Variants in VWA3B observed in about 807,000 individuals in gnomAD.
The protein encoded by VWA3B is von Willebrand factor A domain containing 3B.
VWA3B carries 138 observed loss-of-function variants against 158.3 expected under a neutral mutation model. The observed-to-expected ratio is 0.87, with a 90% CI of 0.76 to 1.00. The LOEUF is 1.00. VWA3B is among the 50% of genes least tolerant of loss of function. The pLI is 0.00. For missense variants in VWA3B, 1,555 were observed against 1,565.1 expected (o/e 0.99, Z 0.11); for synonymous variants, 596 against 587.3 (o/e 1.01, Z -0.21).
intron 10 of VWA3B, chr2:98,192,358 T>C (rs373823161): frequency 3.7e-4 from 58 of 157,530 alleles, no homozygotes; most frequent in Admixed American, 1.6e-3. Context: ...GGGCGTTTTA[T>C]AGGATTTGGG....
At chr2:98,280,409 T>C (rs1688804361) in intron 22 of VWA3B, among the ~76,000 whole-genome samples, 1 of 152,236 alleles carries the variant, frequency 6.6e-6, no homozygotes, top group Admixed American at 6.5e-5. Context: ...GAGGTAGCTA[T>C]TTGTTAATGT....
chr2:98,223,156 G>A (rs1684645748), intron 14 of VWA3B, among the ~76,000 whole-genome samples: 1 of 152,056 alleles, frequency 6.6e-6, no homozygotes, highest in Non-Finnish European at 1.5e-5. Context: ...ATTCCAAGTG[G>A]AACTTTGAGA....
intron 10 of VWA3B, among the ~76,000 whole-genome samples, chr2:98,188,701 C>T (rs1316146499): frequency 6.6e-6 from 1 of 152,162 alleles, no homozygotes; most frequent in Non-Finnish European, 1.5e-5. Flanking sequence ...TAGTAGTACT[C>T]CATGGTGTAT....
At chr2:98,239,935 G>A (rs1280818317) in intron 19 of VWA3B, among the ~76,000 whole-genome samples, 1 of 151,390 alleles carries the variant, frequency 6.6e-6, no homozygotes, top group African/African-American at 2.4e-5. Flanking sequence ...GAAAGAAAGT[G>A]AAACAGACCT....
At chr2:98,117,138 G>T (rs1468274261) in intron 3 of VWA3B, among the ~76,000 whole-genome samples, 1 of 152,182 alleles carries the variant, frequency 6.6e-6, no homozygotes, top group Non-Finnish European at 1.5e-5. Flanking sequence ...AAGAACCACT[G>T]CTGAGGAGCT....
intron 12 of VWA3B, among the ~76,000 whole-genome samples, chr2:98,196,470 G>T (rs1682049918): frequency 6.6e-6 from 1 of 152,194 alleles, no homozygotes; most frequent in East Asian, 1.9e-4. Context: ...ATTTGGTCCA[G>T]TAGTCAACCC....
chr2:98,100,345 A>C (rs773295426), intron 2 of VWA3B, among the ~76,000 whole-genome samples: 2 of 152,220 alleles, frequency 1.3e-5, no homozygotes, highest in African/African-American at 4.8e-5. Context: ...TGACTGGCAC[A>C]GTGCTGGGTT....
At chr2:98,267,453 A>G (rs553368816) in intron 21 of VWA3B, among the ~76,000 whole-genome samples, 9 of 152,246 alleles carry the variant, frequency 5.9e-5, no homozygotes, top group Admixed American at 2.0e-4. Context: ...GGTACATAAC[A>G]AAATGAAGGC....
intron 16 of VWA3B, among the ~76,000 whole-genome samples, chr2:98,231,481 G>C (rs973993940): frequency 3.9e-5 from 6 of 152,074 alleles, no homozygotes; most frequent in Non-Finnish European, 5.9e-5. Flanking sequence ...ATTTGACAAA[G>C]GTGCAAAATT....
chr2:98,326,862 G>A, the VWA3B span, among the ~76,000 whole-genome samples: 3 of 152,124 alleles, frequency 2.0e-5, no homozygotes, highest in Non-Finnish European at 2.9e-5. Context: ...AATGCAGACA[G>A]CCTCTAGAAG....
At position 98,310,450 on chromosome 2, in the gene VWA3B, T is replaced by C. The variant is rs527530335; in HGVS notation, c.3522-1369T>C. Among the ~76,000 whole-genome samples the C allele has an allele frequency of 1.1e-4, 16 of 152,318 alleles. No individual in the cohort carries two copies. In the East Asian group the frequency reaches 2.7e-3, roughly 26 times the overall value. ...TGCTTTTAATGCCTGAAAATCTCTC[T>C]ACTTCTCACATCCGCTTCTTGTCGC... On this transcript the variant is annotated intron_variant, in intron 26 of 27. Transcript: ENST00000477737.
At chr2:98,135,330 T>C (rs1344377732) in intron 7 of VWA3B, among the ~76,000 whole-genome samples, 1 of 116,336 alleles carries the variant, frequency 8.6e-6, no homozygotes, top group African/African-American at 3.8e-5. Context: ...TTTTTCTTTT[T>C]TTTTTTTTTT....
intron 8 of VWA3B, among the ~76,000 whole-genome samples, chr2:98,179,864 T>C (rs1680383421): frequency 7.2e-6 from 1 of 139,506 alleles, no homozygotes; most frequent in Non-Finnish European, 1.5e-5. Context: ...CTTTCTTTCT[T>C]CTCTCTCCTT....
At chr2:98,308,282 G>A (rs751841480) in intron 26 of VWA3B, among the ~76,000 whole-genome samples, 2 of 152,086 alleles carry the variant, frequency 1.3e-5, no homozygotes, top group Non-Finnish European at 1.5e-5. Context: ...TCTGACACAC[G>A]GCTGAGAGGC....
chr2:98,179,339 A>G (rs1680274041), intron 8 of VWA3B: 1 of 471,016 alleles, frequency 2.1e-6, no homozygotes, highest in African/African-American at 2.0e-5. Context: ...CAGTCTTCTC[A>G]GTGTAGATTA....
At chr2:98,317,332 C>CA (rs1553443839), downstream of VWA3B, among the ~76,000 whole-genome samples, 1 of 99,362 alleles carries the variant, frequency 1.0e-5, no homozygotes, top group Non-Finnish European at 2.3e-5. Flanking sequence ...AAATTCTAAA[C>CA]CCCCCCCAGC....
At chr2:98,302,815 A>G (rs1243331807) in intron 25 of VWA3B, among the ~76,000 whole-genome samples, 1 of 152,180 alleles carries the variant, frequency 6.6e-6, no homozygotes, top group East Asian at 1.9e-4. Context: ...CTGTGGCATG[A>G]GGTAGTTCCA....
chr2:98,207,572 G>A, intron 12 of VWA3B: 1 of 519,324 alleles, frequency 1.9e-6, no homozygotes, highest in Admixed American at 2.0e-5. Context: ...GTCATCACAG[G>A]TCATATGGGG....
At chr2:98,254,486 T>C (rs538966861) in intron 20 of VWA3B, among the ~76,000 whole-genome samples, 2 of 152,336 alleles carry the variant, frequency 1.3e-5, no homozygotes, top group South Asian at 2.1e-4. Context: ...TTAATCATTA[T>C]TACCTGAATC....
Sources: allele counts gnomAD v4.1 joint callset (sites outside exome capture counted in the v4.1 genomes callset), GRCh38; gene constraint gnomAD v4.1.1; transcripts MANE v1.5; gene names NCBI Gene and HGNC (gene_info 2026-07-23, HGNC 2026-07-21).